Variants in ST7 observed in about 807,000 individuals in gnomAD.
The protein encoded by ST7 is suppressor of tumorigenicity 7 protein.
In ST7, 28 loss-of-function variants were observed where a neutral mutation model predicts 78.7. That is an observed-to-expected ratio of 0.36 (90% CI 0.26 to 0.49). The LOEUF (loss-of-function observed/expected upper bound fraction) is 0.49, where lower values mean the gene tolerates loss of function less well. ST7 is among the 20% of genes least tolerant of loss of function. ST7 has a pLI of 0.99. For synonymous variants in ST7, 247 were observed against 249.6 expected (o/e 0.99, Z 0.10); for missense variants, 418 against 696.0 (o/e 0.60, Z 4.49).
intron 10 of ST7, among the ~76,000 whole-genome samples, chr7:117,185,661 C>T (rs974157098): frequency 6.6e-5 from 10 of 152,220 alleles, no homozygotes; most frequent in Admixed American, 3.3e-4. Flanking sequence ...TGCAGTGGCT[C>T]GCGCCTGTAA....
chr7:117,220,536 G>C (rs1793012462), intron 14 of ST7, among the ~76,000 whole-genome samples: 1 of 152,190 alleles, frequency 6.6e-6, no homozygotes, highest in South Asian at 2.1e-4. Flanking sequence ...AAGTTTCCAT[G>C]GGGATAGATT....
At chr7:117,038,688 A>G (rs888864941) in intron 1 of ST7, among the ~76,000 whole-genome samples, 3 of 152,228 alleles carry the variant, frequency 2.0e-5, no homozygotes, top group Non-Finnish European at 4.4e-5. Flanking sequence ...GTGGATAAAC[A>G]TGTATCGAGC....
At chr7:117,185,300 G>C in intron 10 of ST7, among the ~76,000 whole-genome samples, 1 of 152,082 alleles carries the variant, frequency 6.6e-6, no homozygotes, top group Non-Finnish European at 1.5e-5. Flanking sequence ...CTGTGCTGTC[G>C]GTATCTGGCT....
chr7:117,108,595 A>AT (rs1412899544), intron 2 of ST7, among the ~76,000 whole-genome samples: 3 of 151,762 alleles, frequency 2.0e-5, no homozygotes, highest in African/African-American at 7.3e-5. Context: ...TTCCATATGA[A>AT]TTTTTTGGTT....
chr7:117,216,016 G>A (rs1792665167), intron 13 of ST7, among the ~76,000 whole-genome samples: 1 of 151,938 alleles, frequency 6.6e-6, no homozygotes, highest in South Asian at 2.1e-4. Context: ...GAAGTCATTG[G>A]GAAAATCAGG....
chr7:117,050,697 G>A (rs934597064), intron 1 of ST7, among the ~76,000 whole-genome samples: 3 of 152,144 alleles, frequency 2.0e-5, no homozygotes, highest in Non-Finnish European at 2.9e-5. Flanking sequence ...TAAGGAGGCC[G>A]AGGCGAGTGG....
rs190498660 is a variant in ST7, at chr7:116,970,664, A to G, written c.151+16973A>G. On this transcript the variant is annotated intron_variant, in intron 1 of 15. Coordinates refer to ENST00000323984, the MANE Select transcript of ST7 (RefSeq NM_001369598.1). ...CCATCACAGTGGGGATTAGGCTTCAATGTATGAATTTTGGAGTGACACAAA... is the reference window on the plus strand; with the variant it reads ...CCATCACAGTGGGGATTAGGCTTCAGTGTATGAATTTTGGAGTGACACAAA... Among the ~76,000 whole-genome samples, 78 of 152,340 alleles carry G rather than the reference A, an allele frequency of 5.1e-4. 1 individual carries two copies. The Middle Eastern group carries it at 0.01, about 20-fold the overall frequency.
At chr7:117,021,795 T>A (rs117347445) in intron 1 of ST7, among the ~76,000 whole-genome samples, 3,156 of 152,318 alleles carry the variant, frequency 0.021, 43 homozygotes, top group Non-Finnish European at 0.032. Flanking sequence ...ACAGGTAATG[T>A]CCCATTCAGC....
intron 9 of ST7, chr7:117,145,269 C>T (rs1337265490): frequency 6.6e-6 from 1 of 152,132 alleles, no homozygotes; most frequent in Non-Finnish European, 1.5e-5. Flanking sequence ...AAACTTCATC[C>T]ACCTAGAATT....
At chr7:117,207,721 T>A (rs1791908991) in intron 12 of ST7, among the ~76,000 whole-genome samples, 1 of 152,212 alleles carries the variant, frequency 6.6e-6, no homozygotes, top group Non-Finnish European at 1.5e-5. Context: ...TTTATAAACA[T>A]GATCCTTCTT....
At chr7:117,133,833 T>C (rs1423154297) in intron 6 of ST7, among the ~76,000 whole-genome samples, 6 of 151,930 alleles carry the variant, frequency 3.9e-5, no homozygotes, top group African/African-American at 1.2e-4. Flanking sequence ...AAATCTGACC[T>C]GGGAGAAATC....
intron 1 of ST7, among the ~76,000 whole-genome samples, chr7:117,071,644 G>A (rs1172737235): frequency 6.6e-6 from 1 of 152,168 alleles, no homozygotes; most frequent in East Asian, 1.9e-4. Context: ...GGCACACTGG[G>A]GTAAACTGAC....
At chr7:117,189,647 G>C (rs1265045249) in intron 11 of ST7, among the ~76,000 whole-genome samples, 1 of 152,078 alleles carries the variant, frequency 6.6e-6, no homozygotes, top group Non-Finnish European at 1.5e-5. Flanking sequence ...GAGTTTTTTG[G>C]TGTGAGACAG....
At chr7:117,087,129 A>T (rs1800212843) in intron 1 of ST7, among the ~76,000 whole-genome samples, 1 of 152,140 alleles carries the variant, frequency 6.6e-6, no homozygotes, top group South Asian at 2.1e-4. Context: ...AGAAAAACCT[A>T]ACTTTGGATC....
At chr7:117,068,445 A>G (rs1249716072) in intron 1 of ST7, among the ~76,000 whole-genome samples, 1 of 152,174 alleles carries the variant, frequency 6.6e-6, no homozygotes, top group African/African-American at 2.4e-5. Flanking sequence ...ACGTTTTTCT[A>G]CTTTACCACC....
At chr7:117,032,879 T>C (rs1796675007) in intron 1 of ST7, among the ~76,000 whole-genome samples, 3 of 152,206 alleles carry the variant, frequency 2.0e-5, no homozygotes, top group Admixed American at 2.0e-4. Flanking sequence ...TCTCACCCTT[T>C]TTCTAAGTTA....
intron 1 of ST7, among the ~76,000 whole-genome samples, chr7:117,061,024 T>G (rs1798322864): frequency 6.6e-6 from 1 of 152,072 alleles, no homozygotes; most frequent in Non-Finnish European, 1.5e-5. Flanking sequence ...CAAAATATAA[T>G]ATTGCCTTTC....
chr7:117,089,193 A>G (rs760637783), intron 1 of ST7, among the ~76,000 whole-genome samples: 23 of 152,178 alleles, frequency 1.5e-4, no homozygotes, highest in Non-Finnish European at 2.4e-4. Flanking sequence ...TTGCCTGCCA[A>G]TTTGTCTCCA....
intron 3 of ST7, among the ~76,000 whole-genome samples, chr7:117,122,643 A>G (rs1803494043): frequency 6.6e-6 from 1 of 152,196 alleles, no homozygotes; most frequent in Non-Finnish European, 1.5e-5. Context: ...CAGTGTTCAA[A>G]TAGTTATCCT....
Sources: allele counts gnomAD v4.1 joint callset (sites outside exome capture counted in the v4.1 genomes callset), GRCh38; gene constraint gnomAD v4.1.1; transcripts MANE v1.5; gene names NCBI Gene and HGNC (gene_info 2026-07-23, HGNC 2026-07-21).